Variants in NAALADL2 observed in about 807,000 individuals in gnomAD.
NAALADL2 encodes the protein N-acetylated alpha-linked acidic dipeptidase like 2, also known as inactive N-acetylated-alpha-linked acidic dipeptidase-like protein 2.
NAALADL2 carries 76 observed loss-of-function variants against 87.2 expected under a neutral mutation model. That is an observed-to-expected ratio of 0.87 (90% CI 0.72 to 1.05). The LOEUF is 1.05. NAALADL2 is among the 50% of genes least tolerant of loss of function. The probability of loss-of-function intolerance (pLI) is 0.00; values close to 1 mark genes in which losing one functional copy is unlikely to be tolerated. For missense variants in NAALADL2, 1,089 were observed against 945.8 expected (o/e 1.15, Z -1.99); for synonymous variants, 354 against 331.0 (o/e 1.07, Z -0.75).
Position 175,096,883 on chromosome 3 carries a change from T to C in NAALADL2, c.137T>C (p.Leu46Pro). ...LDNDDLQATA[L>P]DLEWDMEKEL... Reference sequence around the variant, plus strand: ...AATGATGACCTTCAAGCCACTGCCCTTGACTTAGAGTGGGACATGGAGAAG... The same window carrying C: ...AATGATGACCTTCAAGCCACTGCCCCTGACTTAGAGTGGGACATGGAGAAG... Residue 46 changes from leucine (L) to proline (P), a missense_variant, in exon 2 of 14, where the codon CTT becomes CCT. Coordinates refer to ENST00000454872, the MANE Select transcript of NAALADL2 (RefSeq NM_207015.3). 6.2e-7 allele frequency: 1 copy of C among 1,613,310 alleles called. No homozygotes were observed. The highest frequency in any genetic ancestry group is 8.5e-7 in the Non-Finnish European group (1 of 1,179,580).
At chr3:175,647,826 T>C (rs1730221172) in intron 11 of NAALADL2, among the ~76,000 whole-genome samples, 1 of 152,194 alleles carries the variant, frequency 6.6e-6, no homozygotes, top group East Asian at 1.9e-4. Context: ...TATGGCATTA[T>C]GGCAAAAAGA....
intron 13 of NAALADL2, among the ~76,000 whole-genome samples, chr3:175,796,042 AT>A (rs60785624): frequency 0.4 from 56,068 of 141,574 alleles, 14,332 homozygotes; most frequent in African/African-American, 0.73. Context: ...TATTGTTCTT[AT>A]TGGTAACATG....
At position 175,779,626 on chromosome 3, in the gene NAALADL2, T is replaced by C. The variant is rs1028473388; in HGVS notation, c.2190-23379T>C. 9.9e-5 allele frequency among the ~76,000 whole-genome samples: 15 copies of C among 152,196 alleles called. 1 individual carries two copies. The highest frequency in any genetic ancestry group is 3.6e-4 in the African/African-American group (15 of 41,442). ...AGTAGTATTTCTGTAAATAAAGTTT[T>C]ATTTTGATGAAGCAAATATGCAAAT... On this transcript the variant is annotated intron_variant, in intron 13 of 13. Transcript: ENST00000454872.
intron 1 of NAALADL2, among the ~76,000 whole-genome samples, chr3:174,956,352 G>A (rs1399911590): frequency 6.6e-6 from 1 of 152,036 alleles, no homozygotes; most frequent in Non-Finnish European, 1.5e-5. Context: ...GTCTAAAAAA[G>A]ATAAAGGAAT....
chr3:175,200,002 T>C (rs1739793623), intron 2 of NAALADL2, among the ~76,000 whole-genome samples: 1 of 149,802 alleles, frequency 6.7e-6, no homozygotes, highest in African/African-American at 2.5e-5. Context: ...TCTTTCAGAC[T>C]ACTACTTCGA....
intron 10 of NAALADL2, among the ~76,000 whole-genome samples, chr3:175,600,779 C>T (rs1043783696): frequency 6.6e-5 from 10 of 151,944 alleles, no homozygotes; most frequent in Admixed American, 5.9e-4. Flanking sequence ...CCTCGTGATC[C>T]GCCCGCCTCG....
intron 1 of NAALADL2, among the ~76,000 whole-genome samples, chr3:175,020,379 A>C (rs572644488): frequency 1.2e-4 from 18 of 152,192 alleles, no homozygotes; most frequent in Middle Eastern, 3.4e-3. Flanking sequence ...ATGTTTCTTC[A>C]AAGCTTTAAT....
At position 174,735,304 on chromosome 3, in the gene NAALADL2, T is replaced by C. The variant is rs149266448; in HGVS notation, c.-114-2337T>C. 1.8e-3 allele frequency among the ~76,000 whole-genome samples: 267 copies of C among 152,330 alleles called. 6 individuals are homozygous for C. In the East Asian group the frequency reaches 0.04, roughly 23 times the overall value. ...AGCACCTAATACATGCTGGGCAATG[T>C]GTGGGGCACATTACATACCATGTCT... On this transcript the variant is annotated intron_variant, in intron 2 of 3. Coordinates refer to the NAALADL2 transcript ENST00000434257.
At chr3:175,474,154 T>C (rs547280338) in intron 9 of NAALADL2, among the ~76,000 whole-genome samples, 1 of 152,244 alleles carries the variant, frequency 6.6e-6, no homozygotes, top group African/African-American at 2.4e-5. Flanking sequence ...TTCTGATGAT[T>C]TGTGAAAAAA....
Position 174,962,371 on chromosome 3 carries a change from CATATATATATAT to C in NAALADL2, c.43+102934_43+102945del, listed in dbSNP as rs140830010. Among the ~76,000 whole-genome samples, 45 of 75,738 alleles carry C rather than the reference CATATATATATAT, an allele frequency of 5.9e-4. 1 individual carries two copies. In the East Asian group the frequency reaches 0.012, roughly 20 times the overall value. 49.7% of individuals were successfully genotyped at this position (75,738 alleles called of 152,430 possible). A position where few individuals can be genotyped will look rare whatever the true frequency, so the allele number is the denominator to read the frequency against. On this transcript the variant is annotated intron_variant, in intron 1 of 13. Coordinates refer to ENST00000454872, the MANE Select transcript of NAALADL2 (RefSeq NM_207015.3). Reference sequence around the variant, plus strand: ...GCATTCATTGTCATAGTGACTATGACATATATATATATATATATATATATGTCATAGTGACTA... The same window carrying C: ...GCATTCATTGTCATAGTGACTATGACATATATATATATGTCATAGTGACTA...
chr3:175,565,627 A>G lies in NAALADL2; in HGVS notation c.1654-10414A>G, dbSNP rs576554546. Among the ~76,000 whole-genome samples the G allele has an allele frequency of 2.7e-4, 18 of 65,498 alleles. No individual in the cohort carries two copies. In the Admixed American group the frequency reaches 2.9e-3, roughly 10 times the overall value. The allele number at this position is 65,498 out of a possible 152,430, so 43.0% of individuals were successfully genotyped here. On this transcript the variant is annotated intron_variant, in intron 9 of 13. Coordinates refer to ENST00000454872, the MANE Select transcript of NAALADL2 (RefSeq NM_207015.3). ...CTGTAAGAGACCCTGTTTTTCCCTA[A>G]TAAAGTGGCAATTTCTCTTATCTGT...
chr3:175,593,733 A>G (rs1232211438), intron 10 of NAALADL2, among the ~76,000 whole-genome samples: 1 of 151,192 alleles, frequency 6.6e-6, no homozygotes. Context: ...TTTGTGTCCA[A>G]ATTTCTTCTA....
At chr3:174,961,743 G>A (rs908730235) in intron 1 of NAALADL2, among the ~76,000 whole-genome samples, 1 of 152,002 alleles carries the variant, frequency 6.6e-6, no homozygotes, top group Non-Finnish European at 1.5e-5. Flanking sequence ...CCATCTCACA[G>A]TTATATAATT....
At position 175,011,280 on chromosome 3, in the gene NAALADL2, CAGAGAGAGAG is replaced by C. The variant is rs139229550; in HGVS notation, c.44-85478_44-85469del. Among the ~76,000 whole-genome samples the C allele has an allele frequency of 5.2e-3, 593 of 113,560 alleles. 9 individuals carry two copies. The highest frequency in any genetic ancestry group is 0.032 in the East Asian group (133 of 4,220). 74.5% of individuals were successfully genotyped at this position (113,560 alleles called of 152,430 possible). A position where few individuals can be genotyped will look rare whatever the true frequency, so the allele number is the denominator to read the frequency against. On this transcript the variant is annotated intron_variant, in intron 1 of 13. Coordinates refer to ENST00000454872, the MANE Select transcript of NAALADL2 (RefSeq NM_207015.3). ...AGAGAGAGGGAGAGAGACAGAGAGA[CAGAGAGAGAG>C]AGAGAGAGAGAGAGAGAGAGAGAGA...
At chr3:174,799,383 A>G (rs1450434055) in intron 3 of NAALADL2, among the ~76,000 whole-genome samples, 1 of 151,932 alleles carries the variant, frequency 6.6e-6, no homozygotes, top group African/African-American at 2.4e-5. Flanking sequence ...GAATCATGGG[A>G]GAAGGTCTTT....
rs543594078 is a variant in NAALADL2 at position 174,875,661 on chromosome 3, A to C, written c.43+16211A>C. On this transcript the variant is annotated intron_variant, in intron 1 of 13. Coordinates refer to ENST00000454872, the MANE Select transcript of NAALADL2 (RefSeq NM_207015.3). ...GAAACAGAAATATATCTTATTTTCT[A>C]AGAAAGAAAAAAAATGTGTGTCCCT... Among the ~76,000 whole-genome samples the C allele has an allele frequency of 2.6e-5, 4 of 152,248 alleles. No individual in the cohort carries two copies. The East Asian group carries it at 7.7e-4, about 29-fold the overall frequency.
At chr3:174,473,311 A>G (rs568626259) in intron 1 of NAALADL2, among the ~76,000 whole-genome samples, 3 of 152,276 alleles carry the variant, frequency 2.0e-5, no homozygotes, top group Admixed American at 6.5e-5. Flanking sequence ...TGCTCCAAGA[A>G]AATACGACTT....
intron 1 of NAALADL2, among the ~76,000 whole-genome samples, chr3:174,907,633 C>G (rs1053143746): frequency 1.3e-5 from 2 of 152,016 alleles, no homozygotes; most frequent in African/African-American, 2.4e-5. Flanking sequence ...AACATTTTAT[C>G]GAGTCCCTAG....
intron 5 of NAALADL2, among the ~76,000 whole-genome samples, chr3:175,368,913 T>A (rs1409313071): frequency 2.6e-5 from 4 of 151,932 alleles, no homozygotes; most frequent in Non-Finnish European, 5.9e-5. Context: ...TTAAAAAAAA[T>A]TGCCACCCCT....
Sources: allele counts gnomAD v4.1 joint callset (sites outside exome capture counted in the v4.1 genomes callset), GRCh38; gene constraint gnomAD v4.1.1; transcripts MANE v1.5; gene names NCBI Gene and HGNC (gene_info 2026-07-23, HGNC 2026-07-21).